AARSD1: variants seen among roughly 807,000 people sequenced by gnomAD.
The protein encoded by AARSD1 is alanyl-tRNA synthetase domain containing 1, also known as alanyl-tRNA editing protein Aarsd1.
Under a neutral mutation model 48.7 loss-of-function variants are expected in AARSD1, and 44 were observed. That is an observed-to-expected ratio of 0.90 (90% CI 0.71 to 1.16). AARSD1 has a LOEUF of 1.16. AARSD1 is among the 50% of genes most tolerant of loss of function. The probability of loss-of-function intolerance (pLI) is 0.00; values close to 1 mark genes in which losing one functional copy is unlikely to be tolerated. For synonymous variants in AARSD1, 189 were observed against 194.9 expected, an observed-to-expected ratio of 0.97 and a Z score of 0.25; for missense variants, 511 against 523.1, an observed-to-expected ratio of 0.98 and a Z score of 0.23.
Position 42,954,962 on chromosome 17 carries a change from G to A in AARSD1, c.867C>T (p.Asn289=), listed in dbSNP as rs747639909. The change falls in exon 9 of 12, where the codon AAC becomes AAT. Residue 289 remains asparagine, a synonymous_variant. Coordinates refer to ENST00000427569, the MANE Select transcript of AARSD1 (RefSeq NM_001261434.2). ...QNSTKILQKN[N]LNLLRDLAVH... is the part of the protein sequence containing the mutation. ...CAGCCAGGTCTCTGAGCAGATTCAG[G>A]TTATTCTGAAATGGATATGGTAACT... 7 of 1,614,202 alleles carry A rather than the reference G, an allele frequency of 4.3e-6. No individual in the cohort carries two copies. The highest frequency in any genetic ancestry group is 3.3e-5 in the South Asian group (3 of 91,086).
In AARSD1 at chr17:42,961,289, C is replaced by T. The variant is rs765137230; in HGVS notation, c.234G>A (p.Gln78=). The T allele has an allele frequency of 1.2e-6, 2 of 1,614,156 alleles. No homozygotes were observed. Among genetic ancestry groups the T allele is most frequent in the Non-Finnish European group, 8.5e-7 (1 of 1,180,022 alleles). The change falls in exon 3 of 12, where the codon CAG becomes CAA. Residue 78 remains glutamine (Q), a synonymous_variant. Transcript: ENST00000427569. ...SVLRVTRRGE[Q]ADHFTQTPLD... ...GGGGTGTCTGGGTGAAATGATCAGC[C>T]TGTTCCCCACGGCGAGTCACTCTCA...
chr17:42,964,158 CCGCT>C lies in AARSD1; in HGVS notation c.115_118del (p.Ser39ValfsTer31). ...TGTGTCTTCCAGCACCACTTGGAAA[CCGCT>C]CAGCACTTCTTTCTTGCCGTTGCTC... On this transcript the variant is annotated frameshift_variant, in exon 2 of 12. Transcript: ENST00000427569. LOFTEE classifies it high-confidence loss of function. 6.2e-7 allele frequency: 1 copy of C among 1,614,240 alleles called. No homozygotes were observed.
chr17:42,961,140 T>C, intron 3 of AARSD1, 52 bp downstream of exon 3: 5 of 1,564,730 alleles, frequency 3.2e-6, no homozygotes, highest in Non-Finnish European at 4.3e-6. Context: ...CATCACAGCA[T>C]CCCCATACAT....
At chr17:42,960,347 G>C (rs965085484) in intron 3 of AARSD1, among the ~76,000 whole-genome samples, 6 of 152,078 alleles carry the variant, frequency 3.9e-5, no homozygotes, top group Non-Finnish European at 8.8e-5. Flanking sequence ...AATCAATTAG[G>C]AAACTGTTAG....
In AARSD1 at chr17:42,964,240, G is replaced by A; in HGVS notation, c.40-3C>T. 6.2e-7 allele frequency: 1 copy of A among 1,610,294 alleles called. No individual in the cohort carries two copies. Among genetic ancestry groups the A allele is most frequent in the Non-Finnish European group, 8.5e-7 (1 of 1,179,406 alleles). On this transcript the variant is annotated splice_polypyrimidine_tract_variant and splice_region_variant and intron_variant, in intron 1 of 11. Transcript: ENST00000427569. ...CAGGAGACCACGGTGGTGGTGAACT[G>A]AACAGAGAGGAATGAGAGAATAAGC... is the stretch of plus-strand genomic sequence containing the variant.
chr17:42,954,528 G>A (rs375484170), intron 9 of AARSD1, among the ~76,000 whole-genome samples: 23 of 151,908 alleles, frequency 1.5e-4, no homozygotes, highest in East Asian at 1.4e-3. Context: ...TCTGCCTCCC[G>A]GGTTCAAGTG....
rs868364996 is a variant in AARSD1, at chr17:42,959,124, T to A, written c.332-1929A>T. On this transcript the variant is annotated intron_variant, in intron 3 of 11. Coordinates refer to ENST00000427569, the MANE Select transcript of AARSD1 (RefSeq NM_001261434.2). ...AGGCAGGAGAATCACCCGAACCCAG[T>A]AGGCAGAGGTTGCAGTGAGCCAAGA... 5.5e-5 allele frequency among the ~76,000 whole-genome samples: 7 copies of A among 126,128 alleles called. No homozygotes were observed. In the South Asian group the frequency reaches 1.8e-3, roughly 32 times the overall value. The allele number at this position is 126,128 out of a possible 152,430, so 82.7% of individuals were successfully genotyped here.
In AARSD1 at chr17:42,964,399, T is replaced by C. The variant is rs1205594127; in HGVS notation, c.39+3A>G. 1 of 1,551,944 alleles carries C rather than the reference T, an allele frequency of 6.4e-7. No homozygotes were observed. The highest frequency in any genetic ancestry group is 8.7e-7 in the Non-Finnish European group (1 of 1,147,634). ...TCTCAAGTGCCTCGCCGTGACGCCG[T>C]ACCTCTCGGGCATAACTGTCACGCT... On this transcript the variant is annotated splice_donor_region_variant and intron_variant, in intron 1 of 11. Transcript: ENST00000427569.
intron 10 of AARSD1, among the ~76,000 whole-genome samples, chr17:42,952,989 T>C (rs955871808): frequency 1.3e-5 from 2 of 152,086 alleles, no homozygotes; most frequent in Non-Finnish European, 2.9e-5. Context: ...AATTTTTGTC[T>C]TCTGTTTTGA....
At chr17:42,959,708 G>T (rs549191044) in intron 3 of AARSD1, among the ~76,000 whole-genome samples, 77 of 151,060 alleles carry the variant, frequency 5.1e-4, no homozygotes, top group African/African-American at 1.8e-3. Flanking sequence ...TCTGTCGCCA[G>T]GCTGGAGTGC....
intron 7 of AARSD1, 159 bp downstream of exon 7, chr17:42,955,683 C>T (rs555261033): frequency 3.3e-5 from 41 of 1,256,978 alleles, no homozygotes; most frequent in South Asian, 3.0e-4. Context: ...CCTCGTGATC[C>T]GCCCACCTCG....
chr17:42,952,140 G>A, intron 10 of AARSD1: 1 of 500,438 alleles, frequency 2.0e-6, no homozygotes, highest in South Asian at 2.5e-5. Context: ...TCCTGGCTAA[G>A]CAGAAAATGC....
chr17:42,953,876 A>G (rs2049511514), intron 9 of AARSD1, 98 bp from the exon 10 acceptor site: 1 of 1,467,320 alleles, frequency 6.8e-7, no homozygotes, highest in Non-Finnish European at 9.5e-7. Flanking sequence ...CTTGCTGCCT[A>G]TGTACACATA....
chr17:42,963,209 T>G (rs2049661906), intron 2 of AARSD1, among the ~76,000 whole-genome samples: 1 of 149,986 alleles, frequency 6.7e-6, no homozygotes, highest in Non-Finnish European at 1.5e-5. Context: ...GCCTCCCGAG[T>G]AGCTGGGACT....
chr17:42,963,853 T>G (rs1345272391), intron 2 of AARSD1, among the ~76,000 whole-genome samples: 1 of 152,188 alleles, frequency 6.6e-6, no homozygotes, highest in Non-Finnish European at 1.5e-5. Context: ...CACACACAGT[T>G]GTCTTCAATA....
rs745993228 is a variant in AARSD1 at position 42,954,834 on chromosome 17, AAC to A, written c.953+40_953+41del. Reference sequence around the variant, plus strand: ...AGAGAAGACACTGAGCCCTAAGCCCAACACAGTTCCCCTTCCTTGTGTCCAGC... The same window carrying A: ...AGAGAAGACACTGAGCCCTAAGCCCAACAGTTCCCCTTCCTTGTGTCCAGC... On this transcript the variant is annotated intron_variant, in intron 9 of 11. Transcript: ENST00000427569. 23 of 1,607,916 alleles carry A rather than the reference AAC, an allele frequency of 1.4e-5. No homozygotes were observed. The South Asian group carries it at 2.1e-4, about 15-fold the overall frequency.
chr17:42,955,001 G>T (rs775715869), intron 8 of AARSD1, 34 bp from the exon 9 acceptor site: 21 of 1,613,690 alleles, frequency 1.3e-5, no homozygotes, highest in Non-Finnish European at 1.7e-5. Context: ...TAGATAAATG[G>T]AAAGGATAAC....
intron 3 of AARSD1, chr17:42,960,955 C>T (rs912426537): frequency 3.8e-5 from 21 of 556,622 alleles, no homozygotes; most frequent in South Asian, 3.7e-4. Context: ...ATGGAGATAT[C>T]GAGTGGGAAG....
intron 10 of AARSD1, 126 bp from the exon 11 acceptor site, chr17:42,952,020 A>G: frequency 9.2e-7 from 1 of 1,083,692 alleles, no homozygotes; most frequent in Non-Finnish European, 1.3e-6. Context: ...GACGCTCCTG[A>G]TGAATGATGA....
Sources: allele counts gnomAD v4.1 joint callset (sites outside exome capture counted in the v4.1 genomes callset), GRCh38; gene constraint gnomAD v4.1.1; transcripts MANE v1.5; gene names NCBI Gene and HGNC (gene_info 2026-07-23, HGNC 2026-07-21).